DENND4C: variants seen among roughly 807,000 people sequenced by gnomAD.
DENND4C encodes the protein DENN domain containing 4C.
In DENND4C, 108 loss-of-function variants were observed where a neutral mutation model predicts 203.0. That is an observed-to-expected ratio of 0.53 (90% CI 0.46 to 0.62). The LOEUF (loss-of-function observed/expected upper bound fraction) is 0.62, where lower values mean the gene tolerates loss of function less well. DENND4C is among the 20% of genes least tolerant of loss of function. The probability of loss-of-function intolerance (pLI) is 0.00; values close to 1 mark genes in which losing one functional copy is unlikely to be tolerated. For missense variants in DENND4C, 2,481 were observed against 2,301.2 expected (o/e 1.08, Z -1.60); for synonymous variants, 871 against 792.4 (o/e 1.10, Z -1.67).
At position 19,296,554 on chromosome 9, in the gene DENND4C, C is replaced by T. The variant is rs547380777; in HGVS notation, c.1040+308C>T. Among the ~76,000 whole-genome samples the T allele has an allele frequency of 2.6e-5, 4 of 151,948 alleles. No individual in the cohort carries two copies. In the South Asian group the frequency reaches 8.3e-4, roughly 32 times the overall value. ...AATTTTTGTAGAGACAAGGTTTCACCATCTTGGCCAGGCTGGTCTTGAACT... is the reference window on the plus strand; with the variant it reads ...AATTTTTGTAGAGACAAGGTTTCACTATCTTGGCCAGGCTGGTCTTGAACT... On this transcript the variant is annotated intron_variant, in intron 6 of 32. Transcript: ENST00000434457.
At chr9:19,257,433 A>G (rs538435730) in intron 1 of DENND4C, among the ~76,000 whole-genome samples, 1 of 152,078 alleles carries the variant, frequency 6.6e-6, no homozygotes, top group Non-Finnish European at 1.5e-5. Flanking sequence ...AATGATTTGT[A>G]GCACTAAATA....
At chr9:19,265,312 C>T (rs1432798294) in intron 1 of DENND4C, among the ~76,000 whole-genome samples, 5 of 152,058 alleles carry the variant, frequency 3.3e-5, no homozygotes, top group East Asian at 1.9e-4. Context: ...CCACTGTGCT[C>T]GGCCAATTTT....
intron 26 of DENND4C, among the ~76,000 whole-genome samples, chr9:19,355,683 A>G (rs774073215): frequency 2.6e-5 from 4 of 152,066 alleles, no homozygotes; most frequent in Non-Finnish European, 4.4e-5. Flanking sequence ...ATCTCTGGTT[A>G]GTAGGGTGAG....
chr9:19,352,334 C>T (rs1236583419), intron 25 of DENND4C, 152 bp downstream of exon 25: 1 of 1,008,384 alleles, frequency 9.9e-7, no homozygotes, highest in Non-Finnish European at 1.4e-6. Context: ...GTAAGTAAGA[C>T]ATTGAACTGG....
chr9:19,351,619 C>T (rs1409030277), intron 24 of DENND4C, among the ~76,000 whole-genome samples: 1 of 151,930 alleles, frequency 6.6e-6, no homozygotes, highest in East Asian at 1.9e-4. Context: ...CCAGCCTGGG[C>T]AACACAGTGA....
rs147485084 is a variant in DENND4C at position 19,366,608 on chromosome 9, A to C, written c.5525-3229A>C. On this transcript the variant is annotated intron_variant, in intron 30 of 32. Coordinates refer to ENST00000434457, the MANE Select transcript of DENND4C (RefSeq NM_001330640.2). ...AACAGAGTGACTCTGTCTCAAAAAA[A>C]AGAATAGTCTTTTCAACACGTGCTG... is the stretch of plus-strand genomic sequence containing the variant. Among the ~76,000 whole-genome samples, 866 of 152,302 alleles carry C rather than the reference A, an allele frequency of 5.7e-3. 5 individuals are homozygous for C. The highest frequency in any genetic ancestry group is 0.02 in the African/African-American group (827 of 41,558).
chr9:19,343,139 G>T lies in DENND4C; in HGVS notation c.3151+360G>T, dbSNP rs570311823. On this transcript the variant is annotated intron_variant, in intron 22 of 32. Transcript: ENST00000434457. ...TCAAATTCCAGAGGGCTTATGAGTG[G>T]CAGGCTAATTCCTATCACTGAAGGG... is the stretch of plus-strand genomic sequence containing the variant. Among the ~76,000 whole-genome samples, 32 of 152,228 alleles carry T rather than the reference G, an allele frequency of 2.1e-4. 1 individual carries two copies. The South Asian group carries it at 6.2e-3, about 30-fold the overall frequency.
Position 19,345,933 on chromosome 9 carries a change from A to G in DENND4C, c.3164A>G (p.Asn1055Ser). Reference protein sequence around the residue: ...SRKSSTGSISNVLFSTQDPVE... With the variant: ...SRKSSTGSISSVLFSTQDPVE... ...CTTTCCCTTTTAGGTAGTATATCAAATGTGCTGTTTTCTACTCAAGATCCA... is the reference window on the plus strand; with the variant it reads ...CTTTCCCTTTTAGGTAGTATATCAAGTGTGCTGTTTTCTACTCAAGATCCA... The change falls in exon 23 of 33, where the codon AAT (asparagine) becomes AGT (serine). Residue 1055 changes from asparagine (N) to serine (S), a missense_variant. Asn to Ser is a conservative substitution (Grantham distance 46). Around this residue, in one of 3 missense-constraint regions of DENND4C, gnomAD observed 2,289 missense variants for 2,113.3 expected, o/e 1.08. Transcript: ENST00000434457. The G allele has an allele frequency of 1.2e-6, 2 of 1,610,382 alleles. No homozygotes were observed. Among genetic ancestry groups the G allele is most frequent in the Non-Finnish European group, 1.7e-6 (2 of 1,178,430 alleles).
At chr9:19,287,739 ATTTTTTTT>A (rs1835478937) in intron 3 of DENND4C, among the ~76,000 whole-genome samples, 2 of 151,074 alleles carry the variant, frequency 1.3e-5, no homozygotes, top group South Asian at 4.2e-4. Context: ...TTGCATACTT[ATTTTTTTT>A]TTTCAGACGG....
In DENND4C at chr9:19,275,482, A is replaced by T. The variant is rs1832713167; in HGVS notation, c.-17-676A>T. On this transcript the variant is annotated intron_variant, in intron 1 of 32. Coordinates refer to ENST00000434457, the MANE Select transcript of DENND4C (RefSeq NM_001330640.2). ...CTAATGTTTATTTTCATTTTTATTTATTTTTTGAGATGGAGTTTCTCTCTT... is the reference window on the plus strand; with the variant it reads ...CTAATGTTTATTTTCATTTTTATTTTTTTTTTGAGATGGAGTTTCTCTCTT... Among the ~76,000 whole-genome samples the T allele has an allele frequency of 2.0e-5, 3 of 150,056 alleles. No individual in the cohort carries two copies. In the South Asian group the frequency reaches 6.3e-4, roughly 32 times the overall value.
Position 19,316,685 on chromosome 9 carries a change from G to A in DENND4C, c.1653G>A (p.Trp551Ter). 6.2e-7 allele frequency: 1 copy of A among 1,614,004 alleles called. No individual in the cohort carries two copies. The highest frequency in any genetic ancestry group is 8.5e-7 in the Non-Finnish European group (1 of 1,179,996). ...DMTPIEADFS[W>*]QKKMTQLEME... ...CTCCAATTGAAGCAGATTTCTCCTGGCAAAAGAAGATGACACAGCTTGAGA... is the reference window on the plus strand; with the variant it reads ...CTCCAATTGAAGCAGATTTCTCCTGACAAAAGAAGATGACACAGCTTGAGA... The change falls in exon 12 of 33, where the codon TGG (tryptophan) becomes TGA (stop). Residue 551 changes from tryptophan to a stop codon, truncating the protein, a stop_gained. Coordinates refer to ENST00000434457, the MANE Select transcript of DENND4C (RefSeq NM_001330640.2). LOFTEE classifies it high-confidence loss of function.
intron 30 of DENND4C, among the ~76,000 whole-genome samples, chr9:19,367,987 G>T (rs548097986): frequency 6.6e-6 from 1 of 152,228 alleles, no homozygotes; most frequent in East Asian, 1.9e-4. Flanking sequence ...AGGGCTAAGG[G>T]GTTGAGATGG....
At chr9:19,288,141 T>C (rs1835584831) in intron 3 of DENND4C, among the ~76,000 whole-genome samples, 1 of 152,258 alleles carries the variant, frequency 6.6e-6, no homozygotes, top group African/African-American at 2.4e-5. Context: ...AGATTTACTT[T>C]GAAAAATATC....
chr9:19,348,526 A>G (rs532370545), intron 23 of DENND4C, among the ~76,000 whole-genome samples: 2 of 152,366 alleles, frequency 1.3e-5, no homozygotes, highest in South Asian at 2.1e-4. Context: ...AGCTTAAAGC[A>G]TCATGTACTT....
intron 12 of DENND4C, among the ~76,000 whole-genome samples, chr9:19,322,464 T>TA (rs1170563532): frequency 6.6e-6 from 1 of 151,872 alleles, no homozygotes; most frequent in African/African-American, 2.4e-5. Context: ...TACATAGAAG[T>TA]AAAAGGGCCA....
At chr9:19,303,380 C>T (rs1370163934) in intron 9 of DENND4C, among the ~76,000 whole-genome samples, 1 of 152,176 alleles carries the variant, frequency 6.6e-6, no homozygotes, top group East Asian at 1.9e-4. Flanking sequence ...CTGCCTGCCA[C>T]TTGTTTCTAT....
At position 19,372,332 on chromosome 9, in the gene DENND4C, C is replaced by G. The variant is rs1212760794; in HGVS notation, c.*159C>G. On this transcript the variant is annotated 3_prime_UTR_variant, in exon 33 of 33. Transcript: ENST00000434457. ...TGAATTATGATTCATATTGCATTAC[C>G]TTGAAATATGAAGTGCCATTTGAAT... 1.2e-6 allele frequency: 1 copy of G among 864,526 alleles called. No homozygotes were observed. The highest frequency in any genetic ancestry group is 1.7e-6 in the Non-Finnish European group (1 of 588,948). 53.6% of individuals were successfully genotyped at this position (864,526 alleles called of 1,614,324 possible).
At chr9:19,339,995 G>A (rs1563819819) in intron 20 of DENND4C, among the ~76,000 whole-genome samples, 1 of 151,988 alleles carries the variant, frequency 6.6e-6, no homozygotes, top group African/African-American at 2.4e-5. Context: ...TAGTTTTTAT[G>A]TCCTTTAGAT....
intron 29 of DENND4C, among the ~76,000 whole-genome samples, chr9:19,361,614 T>G (rs1046719901): frequency 1.3e-5 from 2 of 152,230 alleles, no homozygotes; most frequent in African/African-American, 4.8e-5. Context: ...ACAACCATCA[T>G]GCCAGTTAGC....
Sources: gnomAD v4.1 joint callset for allele counts (sites outside exome capture counted in the v4.1 genomes callset) on GRCh38, gnomAD v4.1.1 for gene constraint, gnomAD v4.1.1 regional missense constraint, MANE v1.5 for transcripts, NCBI Gene and HGNC (gene_info 2026-07-23, HGNC 2026-07-21) for gene names.